Variants in TTC29 observed in about 807,000 individuals in gnomAD.
TTC29 encodes tetratricopeptide repeat protein 29.
TTC29 carries 49 observed loss-of-function variants against 58.1 expected under a neutral mutation model. The observed-to-expected ratio is 0.84, with a 90% CI of 0.67 to 1.07. The LOEUF (loss-of-function observed/expected upper bound fraction) is 1.07. Ranked by LOEUF, TTC29 falls within the 50% of genes least tolerant of loss-of-function variation. The pLI, the probability that TTC29 is intolerant of heterozygous loss-of-function variation, is 0.00. For missense variants in TTC29, 582 were observed against 555.6 expected (o/e 1.05, Z -0.48); for synonymous variants, 209 against 196.8 (o/e 1.06, Z -0.52).
intron 11 of TTC29, among the ~76,000 whole-genome samples, chr4:146,740,174 T>C (rs562474276): frequency 1.3e-5 from 2 of 152,142 alleles, no homozygotes; most frequent in Non-Finnish European, 2.9e-5. Flanking sequence ...GGAGCCATCG[T>C]ATTTTTGTAT....
intron 10 of TTC29, chr4:146,813,085 G>A (rs935582943): frequency 1.3e-5 from 2 of 152,106 alleles, no homozygotes; most frequent in South Asian, 2.1e-4. Flanking sequence ...AACAACGCTC[G>A]AATTATTACA....
intron 11 of TTC29, among the ~76,000 whole-genome samples, chr4:146,753,906 G>T (rs537179566): frequency 6.6e-6 from 1 of 152,054 alleles, no homozygotes; most frequent in Non-Finnish European, 1.5e-5. Context: ...GACTGTTGTG[G>T]GGTGGGGGAA....
intron 6 of TTC29, among the ~76,000 whole-genome samples, chr4:146,900,647 T>C (rs1733081778): frequency 6.6e-6 from 1 of 152,104 alleles, no homozygotes; most frequent in African/African-American, 2.4e-5. Flanking sequence ...GTATAAATCC[T>C]CCAATAGAAA....
intron 2 of TTC29, among the ~76,000 whole-genome samples, chr4:146,941,761 C>A (rs1736419089): frequency 6.6e-6 from 1 of 152,174 alleles, no homozygotes; most frequent in Non-Finnish European, 1.5e-5. Flanking sequence ...TTGACACGAT[C>A]TGACTTGCAT....
At chr4:146,800,836 T>C (rs544242001) in intron 11 of TTC29, among the ~76,000 whole-genome samples, 102 of 152,350 alleles carry the variant, frequency 6.7e-4, no homozygotes, top group African/African-American at 2.4e-3. Context: ...AAGAGACTTT[T>C]ACCCTTAATC....
chr4:146,811,233 A>C (rs777356031), intron 10 of TTC29, among the ~76,000 whole-genome samples: 1 of 152,196 alleles, frequency 6.6e-6, no homozygotes, highest in Non-Finnish European at 1.5e-5. Context: ...ATGGGGGCCA[A>C]TGCTAAATAC....
chr4:146,777,328 C>A (rs78320936), intron 11 of TTC29, among the ~76,000 whole-genome samples: 1,950 of 152,178 alleles, frequency 0.013, 52 homozygotes, highest in African/African-American at 0.043. Context: ...TTTGCCAACT[C>A]ATCTGCCAGA....
At chr4:146,758,103 C>A (rs1425005813) in intron 11 of TTC29, among the ~76,000 whole-genome samples, 1 of 152,032 alleles carries the variant, frequency 6.6e-6, no homozygotes, top group Non-Finnish European at 1.5e-5. Flanking sequence ...GGAGACTTAC[C>A]TAGAACATAT....
At position 146,900,341 on chromosome 4, in the gene TTC29, C is replaced by T. The variant is rs1431843115; in HGVS notation, c.586+3203G>A. ...TCTCAAATGATCTCAAAAGCAAAAGCCTTTACAATTCTTCGTAACCCAAAC... is the reference window on the plus strand; with the variant it reads ...TCTCAAATGATCTCAAAAGCAAAAGTCTTTACAATTCTTCGTAACCCAAAC... On this transcript the variant is annotated intron_variant, in intron 6 of 12. Transcript: ENST00000325106. Among the ~76,000 whole-genome samples the T allele has an allele frequency of 3.3e-5, 5 of 152,236 alleles. No individual in the cohort carries two copies. In the South Asian group the frequency reaches 1.0e-3, roughly 32 times the overall value.
At chr4:146,835,948 C>T (rs1454841300) in intron 8 of TTC29, among the ~76,000 whole-genome samples, 1 of 152,132 alleles carries the variant, frequency 6.6e-6, no homozygotes, top group Non-Finnish European at 1.5e-5. Flanking sequence ...TTTGGCCTTG[C>T]ACTTGATTCC....
At chr4:146,754,380 G>A (rs1348323831) in intron 11 of TTC29, among the ~76,000 whole-genome samples, 1 of 151,644 alleles carries the variant, frequency 6.6e-6, no homozygotes, top group African/African-American at 2.4e-5. Context: ...ATACAAAGAA[G>A]AATTATACCA....
intron 11 of TTC29, among the ~76,000 whole-genome samples, chr4:146,736,101 G>A (rs1383495111): frequency 2.6e-5 from 4 of 152,078 alleles, no homozygotes; most frequent in East Asian, 1.9e-4. Context: ...GAAATGTGAA[G>A]GTTGGAGGGC....
In TTC29 at chr4:146,809,866, G is replaced by A. The variant is rs578059416; in HGVS notation, c.1102-6181C>T. 2.3e-4 allele frequency among the ~76,000 whole-genome samples: 35 copies of A among 149,588 alleles called. 2 individuals are homozygous for A. The East Asian group carries it at 4.4e-3, about 19-fold the overall frequency. On this transcript the variant is annotated intron_variant, in intron 10 of 12. Transcript: ENST00000325106. The stretch of plus-strand genomic sequence containing the variant: ...AGAAGACAGGGTGGCAATTTCTCAA[G>A]AATCTAGAACCAGAAATACCATTTG...
chr4:146,924,097 AAT>A (rs1469406053), intron 4 of TTC29, among the ~76,000 whole-genome samples: 4 of 151,812 alleles, frequency 2.6e-5, no homozygotes, highest in Non-Finnish European at 5.9e-5. Context: ...ATATTCAACA[AAT>A]AACATATATA....
At chr4:146,709,793 G>A (rs1742348910) in intron 11 of TTC29, among the ~76,000 whole-genome samples, 1 of 152,080 alleles carries the variant, frequency 6.6e-6, no homozygotes, top group Non-Finnish European at 1.5e-5. Context: ...GCTTCATAGA[G>A]GAAATAAATG....
intron 11 of TTC29, among the ~76,000 whole-genome samples, chr4:146,782,001 G>C (rs1343601348): frequency 6.6e-6 from 1 of 151,336 alleles, no homozygotes; most frequent in Non-Finnish European, 1.5e-5. Flanking sequence ...CTATCAAATA[G>C]GAAATTGAAG....
intron 11 of TTC29, among the ~76,000 whole-genome samples, chr4:146,790,101 T>A (rs915357320): frequency 6.6e-6 from 1 of 152,190 alleles, no homozygotes; most frequent in South Asian, 2.1e-4. Flanking sequence ...CCTTGATTCC[T>A]TATTTCAATT....
intron 8 of TTC29, among the ~76,000 whole-genome samples, chr4:146,855,163 C>T (rs967095620): frequency 2.6e-5 from 4 of 151,408 alleles, no homozygotes; most frequent in African/African-American, 7.3e-5. Flanking sequence ...GGCATGGTGG[C>T]TCATGCCTAT....
chr4:146,830,626 A>G (rs559588130), intron 9 of TTC29, among the ~76,000 whole-genome samples: 22 of 152,338 alleles, frequency 1.4e-4, no homozygotes, highest in African/African-American at 5.0e-4. Context: ...GCTAAGCTTC[A>G]TATGCAACTT....
Sources: allele counts gnomAD v4.1 joint callset (sites outside exome capture counted in the v4.1 genomes callset), GRCh38; gene constraint gnomAD v4.1.1; transcripts MANE v1.5; gene names NCBI Gene and HGNC (gene_info 2026-07-23, HGNC 2026-07-21).